Variants in ITGA3 observed in about 807,000 individuals in gnomAD.
ITGA3 encodes integrin subunit alpha 3.
A neutral mutation model predicts 131.1 loss-of-function variants in ITGA3; 70 were observed. The observed-to-expected ratio is 0.53, with a 90% CI of 0.44 to 0.65. The LOEUF (loss-of-function observed/expected upper bound fraction) is 0.65, where lower values mean the gene tolerates loss of function less well. Ranked by LOEUF, ITGA3 falls within the 30% of genes least tolerant of loss-of-function variation. The pLI is 0.00. For synonymous variants in ITGA3, 537 were observed against 571.6 expected (o/e 0.94, Z 0.86); for missense variants, 1,098 against 1,388.6 (o/e 0.79, Z 3.33).
chr17:50,076,391 G>T lies in ITGA3; in HGVS notation c.1740G>T (p.Met580Ile), dbSNP rs1388912784. ...TGAACTACTCTTTACCTTTGCGGATGCCCGATCGCCCCCGGCTGGGGCTGC... is the reference window on the plus strand; with the variant it reads ...TGAACTACTCTTTACCTTTGCGGATTCCCGATCGCCCCCGGCTGGGGCTGC... ...ISMNYSLPLR[M>I]PDRPRLGLRS... Residue 580 changes from methionine (M) to isoleucine (I), a missense_variant, in exon 13 of 26, where the codon ATG becomes ATT. Coordinates refer to ENST00000320031, the MANE Select transcript of ITGA3 (RefSeq NM_002204.4). 5 of 1,613,162 alleles carry T rather than the reference G, an allele frequency of 3.1e-6. No individual in the cohort carries two copies. Among genetic ancestry groups the T allele is most frequent in the Non-Finnish European group, 3.4e-6 (4 of 1,179,988 alleles).
At chr17:50,082,776 G>A (rs1404439487) in intron 23 of ITGA3, among the ~76,000 whole-genome samples, 1 of 152,038 alleles carries the variant, frequency 6.6e-6, no homozygotes, top group Non-Finnish European at 1.5e-5. Context: ...AGAGCATCTG[G>A]GAATAAATAT....
Position 50,077,097 on chromosome 17 carries a change from C to CCTG in ITGA3, c.2053_2055dup (p.Leu685dup), listed in dbSNP as rs1908950192. The CCTG allele has an allele frequency of 7.0e-6, 11 of 1,572,330 alleles. No individual in the cohort carries two copies. In the East Asian group the frequency reaches 2.6e-4, roughly 37 times the overall value. On this transcript the variant is annotated inframe_insertion, in exon 15 of 26. Coordinates refer to ENST00000320031, the MANE Select transcript of ITGA3 (RefSeq NM_002204.4). ...TGCTCACCCTGGTGGTGCCTCCCGC[C>CCTG]CTGCTGCTGTCCTCAGTGCGCCCCG...
intron 14 of ITGA3, 77 bp from the exon 15 acceptor site, chr17:50,076,897 C>G (rs1908933422): frequency 2.6e-6 from 4 of 1,516,886 alleles, no homozygotes; most frequent in Non-Finnish European, 3.6e-6. Flanking sequence ...CTAGGAGACC[C>G]CAGGGGCGGG....
chr17:50,056,493 G>A lies in ITGA3; in HGVS notation c.54G>A (p.Ala18=), dbSNP rs1463231429. The change falls in exon 1 of 26, where the codon GCG becomes GCA. Residue 18 remains alanine (A), a synonymous_variant. Coordinates refer to ENST00000320031, the MANE Select transcript of ITGA3 (RefSeq NM_002204.4). The surrounding 1 kb of genome is among the most constrained non-coding windows in gnomAD (Gnocchi z 5.6). ...GCGCCCCACGCCTGATGCTCTGTGC[G>A]CTCGCCTTGATGGTGGCGGCCGGCG... The part of the protein sequence containing the change: ...APRAPRLMLC[A]LALMVAAGGC... 1 of 1,549,584 alleles carries A rather than the reference G, an allele frequency of 6.5e-7. No individual in the cohort carries two copies. The highest frequency in any genetic ancestry group is 1.4e-5 in the African/African-American group (1 of 73,032).
intron 16 of ITGA3, 146 bp downstream of exon 16, chr17:50,077,593 G>C: frequency 1.5e-6 from 1 of 660,424 alleles, no homozygotes; most frequent in Non-Finnish European, 2.7e-6. Flanking sequence ...CTCAGTAGAG[G>C]GTGAGAAGAG....
At chr17:50,078,764 C>A (rs1398761483) in intron 18 of ITGA3, 60 bp from the exon 19 acceptor site, 1 of 981,190 alleles carries the variant, frequency 1.0e-6, no homozygotes, top group Non-Finnish European at 1.6e-6. Flanking sequence ...GTGCCCACCC[C>A]CCTCTGCCAG....
At chr17:50,068,400 A>G (rs1908436935) in intron 4 of ITGA3, 95 bp downstream of exon 4, 7 of 1,387,534 alleles carry the variant, frequency 5.0e-6, no homozygotes, top group Non-Finnish European at 4.9e-6. Context: ...CATCCACACT[A>G]GAAACAGGAC....
chr17:50,086,290 A>G (rs890914686), intron 23 of ITGA3: 3 of 142,096 alleles, frequency 2.1e-5, no homozygotes, highest in Non-Finnish European at 4.5e-5. Context: ...TAATATATAT[A>G]TTAGATTATA....
rs548104305 is a variant in ITGA3 at position 50,087,767 on chromosome 17, G to T, written c.2943G>T (p.Glu981Asp). The change falls in exon 24 of 26, where the codon GAG becomes GAT. Residue 981 changes from glutamate to aspartate, a missense_variant. Physicochemically the swap from Glu to Asp is conservative, Grantham distance 45 (BLOSUM62 2). This residue lies in a region of ITGA3 where 699 missense variants were observed against 829.2 expected (regional missense o/e 0.84). Transcript: ENST00000320031. Reference protein sequence around the residue: ...TTWFSVDIDSELVEELPAEIE... With the variant: ...TTWFSVDIDSDLVEELPAEIE... Reference sequence around the variant, plus strand: ...AGTTCTCTGTGGACATTGACTCGGAGCTGGTGGAGGAGCTGCCGGCCGAAA... The same window carrying T: ...AGTTCTCTGTGGACATTGACTCGGATCTGGTGGAGGAGCTGCCGGCCGAAA... 5.0e-6 allele frequency: 8 copies of T among 1,613,350 alleles called. No homozygotes were observed. In the Admixed American group the frequency reaches 1.0e-4, roughly 20 times the overall value.
rs1275973869 is a variant in ITGA3, at chr17:50,089,983, C to G, written c.*905C>G. The G allele has an allele frequency of 4.6e-6, 1 of 216,068 alleles. No homozygotes were observed. Among genetic ancestry groups the G allele is most frequent in the East Asian group, 1.3e-4 (1 of 7,812 alleles). The allele number at this position is 216,068 out of a possible 1,614,324, so 13.4% of individuals were successfully genotyped here. ...GGCAAACGGCAACGTAGCCTGGGCT[C>G]ACTGTGCTGGGGCACGGCGGGATCC... On this transcript the variant is annotated 3_prime_UTR_variant, in exon 26 of 26. Transcript: ENST00000320031.
chr17:50,071,573 CT>C, intron 6 of ITGA3, 55 bp downstream of exon 6: 1 of 1,472,720 alleles, frequency 6.8e-7, no homozygotes, highest in Non-Finnish European at 9.2e-7. Context: ...CGGGGGAAGG[CT>C]TACCTAAGCC....
In ITGA3 at chr17:50,078,301, AC is replaced by A; in HGVS notation, c.2297+19del. ...GCTTAGCATGTGGGTACCGCTCTCC[AC>A]CACCCCCACCCCAGCCTGCTGTGCC... is the stretch of plus-strand genomic sequence containing the variant. On this transcript the variant is annotated intron_variant, in intron 18 of 25. Coordinates refer to ENST00000320031, the MANE Select transcript of ITGA3 (RefSeq NM_002204.4). 6.2e-7 allele frequency: 1 copy of A among 1,601,950 alleles called. No homozygotes were observed. The highest frequency in any genetic ancestry group is 8.5e-7 in the Non-Finnish European group (1 of 1,170,784).
rs756034355 is a variant in ITGA3, at chr17:50,081,346, T to C, written c.2857T>C (p.Trp953Arg). 15 of 1,593,592 alleles carry C rather than the reference T, an allele frequency of 9.4e-6. No individual in the cohort carries two copies. The Admixed American group carries it at 2.1e-4, about 22-fold the overall frequency. ...RDFDRVRVNGWATLFLRTSIP... is the reference protein window; with the variant it reads ...RDFDRVRVNGRATLFLRTSIP... ...CTTTGACCGAGTCCGGGTAAATGGC[T>C]GGGCTACCCTATTCCTCCGAACCAG... Residue 953 changes from tryptophan (W) to arginine (R), a missense_variant, in exon 23 of 26, where the codon TGG becomes CGG. Around this residue, in one of 3 missense-constraint regions of ITGA3, gnomAD observed 699 missense variants for 829.2 expected, o/e 0.84. Transcript: ENST00000320031.
At chr17:50,085,521 G>A (rs1909348124) in intron 23 of ITGA3, among the ~76,000 whole-genome samples, 1 of 151,208 alleles carries the variant, frequency 6.6e-6, no homozygotes, top group South Asian at 2.1e-4. Flanking sequence ...AAAATGAGCT[G>A]GTTGTGGTGG....
intron 6 of ITGA3, 177 bp downstream of exon 6, chr17:50,071,695 A>G (rs1908640970): frequency 1.5e-6 from 1 of 650,250 alleles, no homozygotes; most frequent in Non-Finnish European, 2.6e-6. Context: ...CATTTGTGGG[A>G]CCCCTGCGTT....
At chr17:50,060,571 G>A (rs1908029930) in intron 1 of ITGA3, among the ~76,000 whole-genome samples, 1 of 152,216 alleles carries the variant, frequency 6.6e-6, no homozygotes, top group South Asian at 2.1e-4. Context: ...GCCAAGAGGG[G>A]CTGTTTGGCT....
chr17:50,081,576 A>G (rs1909187365), intron 23 of ITGA3, among the ~76,000 whole-genome samples, 168 bp downstream of exon 23: 2 of 151,968 alleles, frequency 1.3e-5, no homozygotes, highest in South Asian at 4.2e-4. Context: ...AGAGCAATTA[A>G]CCCCGGGTCC....
At chr17:50,077,533 C>T in intron 16 of ITGA3, 86 bp downstream of exon 16, 1 of 1,083,362 alleles carries the variant, frequency 9.2e-7, no homozygotes, top group South Asian at 1.3e-5. Context: ...CTCTGCCTGC[C>T]TGCTTTCTGG....
intron 5 of ITGA3, among the ~76,000 whole-genome samples, 187 bp from the exon 6 acceptor site, chr17:50,071,123 AC>A (rs1270012920): frequency 6.6e-6 from 1 of 152,254 alleles, no homozygotes; most frequent in Non-Finnish European, 1.5e-5. Flanking sequence ...CAGGATGCTC[AC>A]AGTCCAGTGT....
Sources: allele counts gnomAD v4.1 joint callset (sites outside exome capture counted in the v4.1 genomes callset), GRCh38; gene constraint gnomAD v4.1.1; regional missense constraint gnomAD v4.1.1; non-coding constraint Gnocchi (gnomAD v3.1); transcripts MANE v1.5; gene names NCBI Gene and HGNC (gene_info 2026-07-23, HGNC 2026-07-21).